The following NALF1 variants were observed in gnomAD, a reference collection of about 807,000 sequenced individuals.
The protein encoded by NALF1 is NALCN channel auxiliary factor 1.
In NALF1, 3 loss-of-function variants were observed where a neutral mutation model predicts 48.4. That is an observed-to-expected ratio of 0.06 (90% CI 0.03 to 0.16). The LOEUF (loss-of-function observed/expected upper bound fraction) is 0.16. Ranked by LOEUF, NALF1 falls within the 10% of genes least tolerant of loss-of-function variation. NALF1 has a pLI of 1.00. For missense variants in NALF1, 526 were observed against 571.5 expected (o/e 0.92, Z 0.81); for synonymous variants, 262 against 245.7 (o/e 1.07, Z -0.62).
intron 1 of NALF1, among the ~76,000 whole-genome samples, chr13:107,396,579 T>C (rs1370623551): frequency 2.0e-5 from 3 of 152,178 alleles, no homozygotes; most frequent in Non-Finnish European, 2.9e-5. Flanking sequence ...CAAATGATCA[T>C]TCTGCCCCTG....
intron 1 of NALF1, among the ~76,000 whole-genome samples, chr13:107,834,361 G>C (rs1194862373): frequency 6.6e-6 from 1 of 152,116 alleles, no homozygotes; most frequent in Admixed American, 6.6e-5. Context: ...CATTACATTT[G>C]AGCCAGAGAG....
intron 1 of NALF1, among the ~76,000 whole-genome samples, chr13:107,406,184 A>T (rs1883896252): frequency 1.3e-5 from 2 of 152,046 alleles, no homozygotes; most frequent in African/African-American, 4.8e-5. Context: ...ATTTAGAAAA[A>T]ATTTTATGGC....
chr13:107,382,809 T>C (rs1469700579), intron 1 of NALF1, among the ~76,000 whole-genome samples: 1 of 152,218 alleles, frequency 6.6e-6, no homozygotes, highest in Non-Finnish European at 1.5e-5. Flanking sequence ...TCAATCTTTT[T>C]TCCCCCTGAA....
chr13:107,576,039 T>C (rs1275093670), intron 1 of NALF1, among the ~76,000 whole-genome samples: 2 of 152,002 alleles, frequency 1.3e-5, no homozygotes, highest in African/African-American at 4.8e-5. Context: ...TTTGTATCTT[T>C]GTGCAAGTGT....
At chr13:107,214,383 G>A (rs1389335347) in intron 1 of NALF1, among the ~76,000 whole-genome samples, 1 of 152,168 alleles carries the variant, frequency 6.6e-6, no homozygotes, top group Non-Finnish European at 1.5e-5. Flanking sequence ...TTTTTATAAT[G>A]GCTTGGCCTT....
intron 1 of NALF1, among the ~76,000 whole-genome samples, chr13:107,243,845 A>G (rs1880525717): frequency 6.6e-6 from 1 of 152,196 alleles, no homozygotes. Context: ...GACACAGAGA[A>G]GTGATATTCC....
At chr13:107,238,475 C>T (rs750425408) in intron 1 of NALF1, among the ~76,000 whole-genome samples, 1 of 152,160 alleles carries the variant, frequency 6.6e-6, no homozygotes, top group Non-Finnish European at 1.5e-5. Flanking sequence ...GGGATGGCTC[C>T]TGCCATCAAG....
At chr13:107,677,829 C>CACAA (rs10638779) in intron 1 of NALF1, among the ~76,000 whole-genome samples, 86,498 of 151,650 alleles carry the variant, frequency 0.57, 25,748 homozygotes, top group African/African-American at 0.75. Context: ...TGAAAGCAAA[C>CACAA]ACAAGCAAAC....
At chr13:107,528,160 A>T (rs73596714) in intron 1 of NALF1, among the ~76,000 whole-genome samples, 4 of 152,162 alleles carry the variant, frequency 2.6e-5, no homozygotes, top group Non-Finnish European at 5.9e-5. Context: ...TAATCTGGAC[A>T]GTAATACCAT....
In NALF1 at chr13:107,202,771, C is replaced by G. The variant is rs542463725; in HGVS notation, c.1087+7813G>C. Among the ~76,000 whole-genome samples the G allele has an allele frequency of 9.2e-5, 14 of 152,272 alleles. No homozygotes were observed. The South Asian group carries it at 2.9e-3, about 32-fold the overall frequency. On this transcript the variant is annotated intron_variant, in intron 2 of 2. Transcript: ENST00000375915. Reference sequence around the variant, plus strand: ...GCAGGCTGTGGGCGTGATCACCTTCCGTTAACCTACTGACTGACTTTTTCC... The same window carrying G: ...GCAGGCTGTGGGCGTGATCACCTTCGGTTAACCTACTGACTGACTTTTTCC...
chr13:107,767,024 C>T (rs1408015394), intron 1 of NALF1, among the ~76,000 whole-genome samples: 2 of 151,820 alleles, frequency 1.3e-5, no homozygotes, highest in Non-Finnish European at 2.9e-5. Flanking sequence ...AACAACCAAA[C>T]GGGTAAGACA....
At chr13:107,193,923 A>G (rs907053317) in intron 2 of NALF1, among the ~76,000 whole-genome samples, 1 of 152,132 alleles carries the variant, frequency 6.6e-6, no homozygotes, top group Non-Finnish European at 1.5e-5. Context: ...AGCTGTATTT[A>G]TAAATCCATA....
intron 1 of NALF1, among the ~76,000 whole-genome samples, chr13:107,856,803 G>A (rs1474336918): frequency 1.3e-5 from 2 of 152,126 alleles, no homozygotes; most frequent in Non-Finnish European, 2.9e-5. Flanking sequence ...GCAACCCACA[G>A]GAAAGATGCT....
chr13:107,266,155 G>T (rs553236170), intron 1 of NALF1, among the ~76,000 whole-genome samples: 1 of 152,302 alleles, frequency 6.6e-6, no homozygotes, highest in African/African-American at 2.4e-5. Flanking sequence ...TGAAAAGGTG[G>T]TGAGAATCTC....
intron 1 of NALF1, among the ~76,000 whole-genome samples, chr13:107,660,395 C>T (rs1005434593): frequency 6.6e-6 from 1 of 150,540 alleles, no homozygotes; most frequent in Non-Finnish European, 1.5e-5. Context: ...GATTGCACCA[C>T]TGCACTCCAG....
chr13:107,443,979 T>A (rs1429568113), intron 1 of NALF1, among the ~76,000 whole-genome samples: 1 of 152,168 alleles, frequency 6.6e-6, no homozygotes, highest in Non-Finnish European at 1.5e-5. Context: ...ATGATTTTCT[T>A]TTTAGTTTTG....
chr13:107,286,770 C>T (rs914107261), intron 1 of NALF1, among the ~76,000 whole-genome samples: 1 of 152,060 alleles, frequency 6.6e-6, no homozygotes, highest in African/African-American at 2.4e-5. Flanking sequence ...ACCTTGAAAA[C>T]ATTATTCTAA....
chr13:107,636,377 A>G (rs1313213762), intron 1 of NALF1, among the ~76,000 whole-genome samples: 1 of 152,186 alleles, frequency 6.6e-6, no homozygotes, highest in African/African-American at 2.4e-5. Context: ...TCTGGTACCA[A>G]TACTATAGAA....
rs1594067363 is a variant in NALF1 at position 107,201,504 on chromosome 13, G to A, written c.1087+9080C>T. ...AGGCAGGAGAATGGTGTGAACCCGCGAGGGGGAGCTTCCAGTGAGTCGAGA... is the reference window on the plus strand; with the variant it reads ...AGGCAGGAGAATGGTGTGAACCCGCAAGGGGGAGCTTCCAGTGAGTCGAGA... On this transcript the variant is annotated intron_variant, in intron 2 of 2. Coordinates refer to ENST00000375915, the MANE Select transcript of NALF1 (RefSeq NM_001080396.3). 2.0e-5 allele frequency among the ~76,000 whole-genome samples: 3 copies of A among 152,120 alleles called. 1 individual carries two copies. The South Asian group carries it at 6.2e-4, about 31-fold the overall frequency.
Sources: allele counts gnomAD v4.1 joint callset (sites outside exome capture counted in the v4.1 genomes callset), GRCh38; gene constraint gnomAD v4.1.1; transcripts MANE v1.5; gene names NCBI Gene and HGNC (gene_info 2026-07-23, HGNC 2026-07-21).